ROR1: variants seen among roughly 807,000 people sequenced by gnomAD.
ROR1 encodes inactive tyrosine-protein kinase transmembrane receptor ROR1.
Under a neutral mutation model 78.8 loss-of-function variants are expected in ROR1, and 19 were observed. The observed-to-expected ratio is 0.24, with a 90% CI of 0.17 to 0.35. The LOEUF (loss-of-function observed/expected upper bound fraction) is 0.35, where lower values mean the gene tolerates loss of function less well. ROR1 is among the 10% of genes least tolerant of loss of function. ROR1 has a pLI of 1.00. For synonymous variants in ROR1, 386 were observed against 433.6 expected (o/e 0.89, Z 1.36); for missense variants, 917 against 1,177.8 (o/e 0.78, Z 3.24).
chr1:64,054,801 A>C (rs1282364757), intron 4 of ROR1, among the ~76,000 whole-genome samples: 1 of 152,190 alleles, frequency 6.6e-6, no homozygotes, highest in Non-Finnish European at 1.5e-5. Context: ...AGTATCTCAT[A>C]GTTCTGGAGG....
chr1:63,946,119 C>A (rs1569954925), intron 1 of ROR1, among the ~76,000 whole-genome samples: 1 of 152,336 alleles, frequency 6.6e-6, no homozygotes, highest in East Asian at 1.9e-4. Flanking sequence ...TGTGACATTT[C>A]TTTATCCCTG....
In ROR1 at chr1:63,863,755, TG is replaced by T. The variant is rs1645197024; in HGVS notation, c.91+89248del. On this transcript the variant is annotated intron_variant, in intron 1 of 8. Coordinates refer to ENST00000371079, the MANE Select transcript of ROR1 (RefSeq NM_005012.4). ...TGTATTGTATTGTATTGTATTGTATTGTATTGTATTGTATTGTATTGTATTG... is the reference window on the plus strand; with the variant it reads ...TGTATTGTATTGTATTGTATTGTATTTATTGTATTGTATTGTATTGTATTG... Among the ~76,000 whole-genome samples, 3 of 148,624 alleles carry T rather than the reference TG, an allele frequency of 2.0e-5. No individual in the cohort carries two copies. The East Asian group carries it at 5.9e-4, about 29-fold the overall frequency.
In ROR1 at chr1:63,957,235, G is replaced by A. The variant is rs1423335532; in HGVS notation, c.92-52070G>A. 5.9e-5 allele frequency among the ~76,000 whole-genome samples: 9 copies of A among 152,212 alleles called. No homozygotes were observed. In the East Asian group the frequency reaches 1.7e-3, roughly 29 times the overall value. ...GAGTACCTTCCTGCAGCCTGAATGT[G>A]CTCAACTGCCAGTGTTACTATGTCG... On this transcript the variant is annotated intron_variant, in intron 1 of 8. Coordinates refer to ENST00000371079, the MANE Select transcript of ROR1 (RefSeq NM_005012.4).
intron 1 of ROR1, among the ~76,000 whole-genome samples, chr1:63,866,733 C>T (rs558353048): frequency 3.1e-4 from 47 of 152,224 alleles, no homozygotes; most frequent in African/African-American, 1.1e-3. Context: ...TGCTCAGTGG[C>T]TGGAAACGAT....
intron 1 of ROR1, among the ~76,000 whole-genome samples, chr1:63,883,729 G>C (rs1645338492): frequency 6.6e-6 from 1 of 152,084 alleles, no homozygotes; most frequent in Non-Finnish European, 1.5e-5. Context: ...CAGATGTTTT[G>C]CCAGCTTGAG....
Position 64,049,933 on chromosome 1 carries a change from G to A in ROR1, c.406G>A (p.Gly136Ser), listed in dbSNP as rs1646815441. The A allele has an allele frequency of 1.2e-6, 2 of 1,614,174 alleles. No homozygotes were observed. Among genetic ancestry groups the A allele is most frequent in the Non-Finnish European group, 8.5e-7 (1 of 1,180,034 alleles). Residue 136 changes from glycine to serine, a missense_variant, in exon 3 of 9, where the codon GGC (glycine) becomes AGC (serine). Coordinates refer to ENST00000371079, the MANE Select transcript of ROR1 (RefSeq NM_005012.4). ...CTACTTCCAGTGCGTGGCAACAAAC[G>A]GCAAGGAGGTGGTTTCTTCCACTGG... ...TGYFQCVATN[G>S]KEVVSSTGVL...
intron 1 of ROR1, among the ~76,000 whole-genome samples, chr1:63,893,551 G>C (rs953313277): frequency 6.6e-6 from 1 of 152,150 alleles, no homozygotes; most frequent in Admixed American, 6.6e-5. Context: ...ATGATGTCCA[G>C]GTTAAAAGGT....
chr1:63,843,604 C>T, intron 1 of ROR1: 1 of 662,274 alleles, frequency 1.5e-6, no homozygotes, highest in Non-Finnish European at 2.9e-6. Flanking sequence ...AGCTTCTTCA[C>T]CTCCTCTGGC....
At chr1:64,116,977 C>T (rs1569796873) in intron 4 of ROR1, among the ~76,000 whole-genome samples, 1 of 152,128 alleles carries the variant, frequency 6.6e-6, no homozygotes, top group Non-Finnish European at 1.5e-5. Flanking sequence ...GTTACATGCT[C>T]CTTGAGGGAA....
intron 4 of ROR1, among the ~76,000 whole-genome samples, chr1:64,060,358 A>G (rs1161086227): frequency 6.6e-6 from 1 of 152,208 alleles, no homozygotes; most frequent in Non-Finnish European, 1.5e-5. Flanking sequence ...TCTGTTGGAT[A>G]ATATTTCCAG....
chr1:63,846,517 A>C (rs989729167), intron 1 of ROR1, among the ~76,000 whole-genome samples: 1 of 152,134 alleles, frequency 6.6e-6, no homozygotes, highest in African/African-American at 2.4e-5. Context: ...AGGTTTCCCA[A>C]CCAGATGTAC....
chr1:63,874,769 T>G (rs1301737663), intron 1 of ROR1, among the ~76,000 whole-genome samples: 2 of 152,148 alleles, frequency 1.3e-5, no homozygotes, highest in African/African-American at 4.8e-5. Flanking sequence ...CCTTGAAGTT[T>G]CCTTGTCCAG....
At chr1:63,949,113 C>T (rs1359045369) in intron 1 of ROR1, among the ~76,000 whole-genome samples, 3 of 152,126 alleles carry the variant, frequency 2.0e-5, no homozygotes, top group Admixed American at 6.5e-5. Flanking sequence ...CCTCAAGCCC[C>T]GCTCAGGCAT....
chr1:63,852,906 C>T (rs1645123126), intron 1 of ROR1, among the ~76,000 whole-genome samples: 1 of 152,094 alleles, frequency 6.6e-6, no homozygotes, highest in African/African-American at 2.4e-5. Context: ...TTCTGTGGCC[C>T]AGGGTTTACA....
At chr1:64,116,571 A>G (rs1486107076) in intron 4 of ROR1, among the ~76,000 whole-genome samples, 1 of 152,228 alleles carries the variant, frequency 6.6e-6, no homozygotes, top group East Asian at 1.9e-4. Context: ...TTCAACTAAC[A>G]TAAGAAGGAA....
At position 63,846,145 on chromosome 1, in the gene ROR1, T is replaced by A. The variant is rs886986065; in HGVS notation, c.91+71637T>A. ...GTGTGTGTGTGTGTGTGTGTGTGTG[T>A]GTGTGTGTGTGTGTGTGTGTGTGTG... On this transcript the variant is annotated intron_variant, in intron 1 of 8. Transcript: ENST00000371079. 2.7e-5 allele frequency among the ~76,000 whole-genome samples: 4 copies of A among 150,120 alleles called. No homozygotes were observed. In the South Asian group the frequency reaches 8.5e-4, roughly 32 times the overall value.
intron 1 of ROR1, among the ~76,000 whole-genome samples, chr1:63,971,978 C>A (rs915797644): frequency 2.6e-5 from 4 of 152,146 alleles, no homozygotes; most frequent in Non-Finnish European, 5.9e-5. Flanking sequence ...CACTGTATAC[C>A]GTTCCACACT....
chr1:64,128,254 A>G (rs1425254328), intron 4 of ROR1, among the ~76,000 whole-genome samples: 1 of 147,848 alleles, frequency 6.8e-6, no homozygotes. Context: ...CAGGAGTTCA[A>G]GACCAGCCTG....
chr1:64,154,564 T>C (rs1209620499), intron 7 of ROR1, among the ~76,000 whole-genome samples: 1 of 152,236 alleles, frequency 6.6e-6, no homozygotes, highest in Non-Finnish European at 1.5e-5. Context: ...AAATCATGAT[T>C]ACTTTGCTTT....
Sources: allele counts gnomAD v4.1 joint callset (sites outside exome capture counted in the v4.1 genomes callset), GRCh38; gene constraint gnomAD v4.1.1; transcripts MANE v1.5; gene names NCBI Gene and HGNC (gene_info 2026-07-23, HGNC 2026-07-21).